The following EYS variants were observed in gnomAD, a reference collection of about 807,000 sequenced individuals.
EYS encodes EGF-like photoreceptor maintenance factor, also known as protein eyes shut homolog.
Under a neutral mutation model 282.1 loss-of-function variants are expected in EYS, and 250 were observed. That is an observed-to-expected ratio of 0.89 (90% CI 0.80 to 0.98). EYS has a LOEUF of 0.98. EYS is among the 50% of genes least tolerant of loss of function. EYS has a pLI of 0.00. For missense variants in EYS, 4,016 were observed against 3,709.0 expected, an observed-to-expected ratio of 1.08 and a Z score of -2.15; for synonymous variants, 1,355 against 1,282.9, an observed-to-expected ratio of 1.06 and a Z score of -1.20.
intron 28 of EYS, among the ~76,000 whole-genome samples, chr6:64,393,916 T>C (rs1336170906): frequency 6.6e-6 from 1 of 151,920 alleles, no homozygotes; most frequent in African/African-American, 2.4e-5. Flanking sequence ...CTTAAGCTGA[T>C]AAGCAACTTC....
In EYS at chr6:63,984,594, C is replaced by T. The variant is rs180912436; in HGVS notation, c.6844G>A (p.Glu2282Lys). Reference protein sequence around the residue: ...EISHASQAYFESMFLGHIPAN... With the variant: ...EISHASQAYFKSMFLGHIPAN... ...GGAATATGGCCAAGGAACATTGATTCAAAATATGCCTGTAGAAAAAGTAAC... is the reference window on the plus strand; with the variant it reads ...GGAATATGGCCAAGGAACATTGATTTAAAATATGCCTGTAGAAAAAGTAAC... Residue 2282 changes from glutamate (E) to lysine (K), a missense_variant, in exon 35 of 43, where the codon GAA becomes AAA. Physicochemically the swap from Glu to Lys is moderately conservative, Grantham distance 56. Coordinates refer to ENST00000503581, the MANE Select transcript of EYS (RefSeq NM_001142800.2). The T allele has an allele frequency of 1.3e-6, 2 of 1,545,768 alleles. No individual in the cohort carries two copies. The highest frequency in any genetic ancestry group is 4.9e-5 in the East Asian group (2 of 40,828).
chr6:64,424,014 C>T (rs1774320317), intron 28 of EYS, among the ~76,000 whole-genome samples: 1 of 152,072 alleles, frequency 6.6e-6, no homozygotes, highest in Non-Finnish European at 1.5e-5. Flanking sequence ...CTTTTAAATG[C>T]TATCCTAAAA....
intron 15 of EYS, among the ~76,000 whole-genome samples, chr6:64,928,294 T>G (rs1768583816): frequency 6.6e-6 from 1 of 152,096 alleles, no homozygotes; most frequent in South Asian, 2.1e-4. Context: ...TTGATTATCT[T>G]TCAAAAAAAG....
intron 5 of EYS, among the ~76,000 whole-genome samples, chr6:65,411,083 T>C (rs1310547178): frequency 6.6e-6 from 1 of 152,030 alleles, no homozygotes; most frequent in East Asian, 1.9e-4. Context: ...AATAATTCCA[T>C]GCTCTTTTCA....
At chr6:64,268,916 G>A (rs568648153) in intron 30 of EYS, among the ~76,000 whole-genome samples, 8 of 152,196 alleles carry the variant, frequency 5.3e-5, no homozygotes, top group African/African-American at 1.2e-4. Context: ...AGGGGATACC[G>A]CAGGCATTGA....
intron 12 of EYS, among the ~76,000 whole-genome samples, chr6:65,097,652 T>G (rs1197674446): frequency 1.3e-5 from 2 of 150,882 alleles, no homozygotes; most frequent in Non-Finnish European, 3.0e-5. Context: ...GTGGTACATA[T>G]GTACGATTAT....
At chr6:65,634,071 T>G (rs1767008065) in intron 2 of EYS, among the ~76,000 whole-genome samples, 3 of 152,228 alleles carry the variant, frequency 2.0e-5, no homozygotes. Context: ...ATAAACAGAC[T>G]TGACTGGCTT....
chr6:64,993,049 G>A (rs111559369), intron 14 of EYS, among the ~76,000 whole-genome samples: 2,678 of 152,152 alleles, frequency 0.018, 89 homozygotes, highest in African/African-American at 0.061. Context: ...TTTGAAAGGA[G>A]CATGGAGATA....
At chr6:63,955,227 C>T (rs1421380227) in intron 35 of EYS, among the ~76,000 whole-genome samples, 1 of 152,082 alleles carries the variant, frequency 6.6e-6, no homozygotes, top group Non-Finnish European at 1.5e-5. Context: ...GCCTTCATCC[C>T]TATCTTCTGT....
At chr6:64,288,061 G>T (rs1768560850) in intron 30 of EYS, among the ~76,000 whole-genome samples, 1 of 152,054 alleles carries the variant, frequency 6.6e-6, no homozygotes, top group Non-Finnish European at 1.5e-5. Flanking sequence ...TTGCAAAAGG[G>T]GTTTGGGAAC....
At chr6:65,187,157 GCA>G (rs1765535170) in intron 12 of EYS, among the ~76,000 whole-genome samples, 1 of 151,622 alleles carries the variant, frequency 6.6e-6, no homozygotes, top group East Asian at 1.9e-4. Flanking sequence ...TTTATTCTAG[GCA>G]CACACAACAT....
At chr6:64,890,432 G>A (rs547519355) in intron 18 of EYS, among the ~76,000 whole-genome samples, 69 of 152,224 alleles carry the variant, frequency 4.5e-4, no homozygotes, top group Non-Finnish European at 9.3e-4. Context: ...CTACAGACAT[G>A]TGATGTCTCC....
chr6:64,318,417 G>C (rs1230985913), intron 29 of EYS, among the ~76,000 whole-genome samples: 1 of 151,956 alleles, frequency 6.6e-6, no homozygotes, highest in Non-Finnish European at 1.5e-5. Flanking sequence ...ACAAAGTTTA[G>C]ACAGAGGGCA....
At chr6:64,899,882 T>C (rs1767598068) in intron 18 of EYS, among the ~76,000 whole-genome samples, 1 of 152,094 alleles carries the variant, frequency 6.6e-6, no homozygotes, top group Admixed American at 6.5e-5. Context: ...AAAAAACTAC[T>C]TTAAATTTCG....
intron 2 of EYS, among the ~76,000 whole-genome samples, chr6:65,625,206 C>G (rs563248718): frequency 2.0e-5 from 3 of 152,300 alleles, no homozygotes; most frequent in African/African-American, 7.2e-5. Flanking sequence ...TGCCAGCAAT[C>G]TGAGCGAGCA....
intron 26 of EYS, among the ~76,000 whole-genome samples, chr6:64,483,802 T>C (rs1776502875): frequency 6.6e-6 from 1 of 151,820 alleles, no homozygotes; most frequent in South Asian, 2.1e-4. Context: ...CATAAATCAC[T>C]ACTTATCTAT....
chr6:64,287,356 C>T (rs1025621545), intron 30 of EYS, among the ~76,000 whole-genome samples: 1 of 151,916 alleles, frequency 6.6e-6, no homozygotes, highest in African/African-American at 2.4e-5. Context: ...TAAAATGATG[C>T]TATTTTTAAT....
At chr6:63,924,968 A>G (rs1764675179) in intron 35 of EYS, among the ~76,000 whole-genome samples, 1 of 152,238 alleles carries the variant, frequency 6.6e-6, no homozygotes. Flanking sequence ...TACCCGCAAC[A>G]TTGACACAGG....
intron 1 of EYS, among the ~76,000 whole-genome samples, chr6:65,680,966 C>G (rs933145732): frequency 2.0e-5 from 3 of 151,770 alleles, no homozygotes; most frequent in Non-Finnish European, 4.4e-5. Context: ...CACTGGCCAC[C>G]GGTGATCATT....
Sources: allele counts gnomAD v4.1 joint callset (sites outside exome capture counted in the v4.1 genomes callset), GRCh38; gene constraint gnomAD v4.1.1; transcripts MANE v1.5; gene names NCBI Gene and HGNC (gene_info 2026-07-23, HGNC 2026-07-21).